The following DPF3 variants were observed in gnomAD, a reference collection of about 807,000 sequenced individuals.
The protein encoded by DPF3 is double PHD fingers 3, also known as zinc finger protein DPF3.
DPF3 carries 18 observed loss-of-function variants against 56.8 expected under a neutral mutation model. The ratio of observed to expected loss-of-function variants is 0.32; its 90% CI spans 0.22 to 0.47. DPF3 has a LOEUF of 0.47. DPF3 is among the 20% of genes least tolerant of loss of function. The pLI is 1.00. For synonymous variants in DPF3, 188 were observed against 180.2 expected (o/e 1.04, Z -0.35); for missense variants, 403 against 488.8 (o/e 0.82, Z 1.65).
At chr14:72,828,264 C>G (rs1454900730) in intron 1 of DPF3, among the ~76,000 whole-genome samples, 1 of 152,118 alleles carries the variant, frequency 6.6e-6, no homozygotes, top group Non-Finnish European at 1.5e-5. Context: ...AGCAGAAAAA[C>G]AGCAGATCCT....
chr14:72,657,755 A>G (rs534541375), intron 8 of DPF3, among the ~76,000 whole-genome samples: 1 of 152,344 alleles, frequency 6.6e-6, no homozygotes, highest in Admixed American at 6.5e-5. Flanking sequence ...TTATTGGAAC[A>G]CAGCCATGCC....
intron 1 of DPF3, among the ~76,000 whole-genome samples, chr14:72,776,711 C>T (rs1451731204): frequency 6.6e-6 from 1 of 152,168 alleles, no homozygotes; most frequent in Non-Finnish European, 1.5e-5. Flanking sequence ...TCCAGCCAGA[C>T]ACCTGGGCTC....
At chr14:72,677,732 T>C (rs952877789) in intron 7 of DPF3, among the ~76,000 whole-genome samples, 1 of 152,192 alleles carries the variant, frequency 6.6e-6, no homozygotes, top group African/African-American at 2.4e-5. Context: ...AGAGGAGAGC[T>C]GGTCCATGTG....
chr14:72,884,892 C>T (rs1168708741), intron 1 of DPF3, among the ~76,000 whole-genome samples: 5 of 135,106 alleles, frequency 3.7e-5, no homozygotes, highest in African/African-American at 1.1e-4. Context: ...GTCAGGAGAT[C>T]GAGACCGTCC....
At chr14:72,818,351 C>T (rs1049615018) in intron 1 of DPF3, among the ~76,000 whole-genome samples, 2 of 152,124 alleles carry the variant, frequency 1.3e-5, no homozygotes, top group South Asian at 2.1e-4. Flanking sequence ...GGAAAAATAA[C>T]CTGGACTTCA....
intron 7 of DPF3, among the ~76,000 whole-genome samples, chr14:72,689,053 G>A (rs777259965): frequency 2.0e-5 from 3 of 152,102 alleles, no homozygotes; most frequent in Non-Finnish European, 4.4e-5. Flanking sequence ...GGGGCCAGGC[G>A]ATCAGGAGTG....
At chr14:72,706,951 T>A (rs1388360933) in intron 6 of DPF3, among the ~76,000 whole-genome samples, 1 of 152,174 alleles carries the variant, frequency 6.6e-6, no homozygotes, top group East Asian at 1.9e-4. Context: ...GCATTAGGTA[T>A]ATCTCCTAAA....
At chr14:72,657,340 T>TA (rs1316188262) in intron 8 of DPF3, among the ~76,000 whole-genome samples, 1 of 152,182 alleles carries the variant, frequency 6.6e-6, no homozygotes, top group African/African-American at 2.4e-5. Flanking sequence ...TGAATAATAT[T>TA]AGTCATGATG....
At position 72,893,418 on chromosome 14, in the gene DPF3, G is replaced by C. The variant is rs546389209; in HGVS notation, c.32+639C>G. On this transcript the variant is annotated intron_variant, in intron 1 of 10. Coordinates refer to ENST00000556509, the MANE Select transcript of DPF3 (RefSeq NM_001280542.3). Reference sequence around the variant, plus strand: ...CCTCCGAGATCCGGGGGCTGCCGGGGAAAGCCCGGGGCGACCACCTGGGCC... The same window carrying C: ...CCTCCGAGATCCGGGGGCTGCCGGGCAAAGCCCGGGGCGACCACCTGGGCC... 3.1e-3 allele frequency among the ~76,000 whole-genome samples: 470 copies of C among 152,176 alleles called. 4 individuals are homozygous for C. Among genetic ancestry groups the C allele is most frequent in the African/African-American group, 0.011 (456 of 41,544 alleles).
intron 1 of DPF3, chr14:72,879,655 C>G: frequency 1.1e-6 from 1 of 939,180 alleles, no homozygotes; most frequent in East Asian, 2.7e-5. Flanking sequence ...AACCGCCTGC[C>G]CAGAGGAAAC....
chr14:72,723,791 G>C, intron 4 of DPF3, 63 bp from the exon 5 acceptor site: 2 of 1,462,766 alleles, frequency 1.4e-6, no homozygotes, highest in Non-Finnish European at 1.9e-6. Flanking sequence ...AACCATCAGA[G>C]AGTAATTTTA....
intron 6 of DPF3, among the ~76,000 whole-genome samples, chr14:72,693,635 G>A (rs1442629047): frequency 3.3e-5 from 5 of 152,158 alleles, no homozygotes; most frequent in Admixed American, 6.5e-5. Flanking sequence ...TTGTTATGAC[G>A]TTGAATTCAA....
intron 8 of DPF3, among the ~76,000 whole-genome samples, chr14:72,631,331 C>G (rs901345955): frequency 1.3e-5 from 2 of 152,162 alleles, no homozygotes; most frequent in South Asian, 2.1e-4. Context: ...GAAAAAGAAG[C>G]CTTACATTAA....
At chr14:72,717,678 A>C (rs34411021) in intron 5 of DPF3, among the ~76,000 whole-genome samples, 44,400 of 151,982 alleles carry the variant, frequency 0.29, 7,040 homozygotes, top group East Asian at 0.46. Context: ...TCCTACAATA[A>C]CCCTATGAGT....
intron 8 of DPF3, among the ~76,000 whole-genome samples, chr14:72,645,080 G>A (rs1202876369): frequency 6.6e-6 from 1 of 152,192 alleles, no homozygotes; most frequent in African/African-American, 2.4e-5. Flanking sequence ...CTATTAAGCT[G>A]AATAGGTTAA....
At chr14:72,844,109 C>T (rs1386874613) in intron 1 of DPF3, among the ~76,000 whole-genome samples, 1 of 152,166 alleles carries the variant, frequency 6.6e-6, no homozygotes, top group African/African-American at 2.4e-5. Flanking sequence ...GGGCACCATG[C>T]TGGACAAAAG....
chr14:72,742,973 G>A (rs148073828), intron 3 of DPF3, among the ~76,000 whole-genome samples: 1 of 152,138 alleles, frequency 6.6e-6, no homozygotes. Context: ...TTGTTGGCCA[G>A]CCTGTGGCCC....
intron 3 of DPF3, among the ~76,000 whole-genome samples, chr14:72,748,930 T>C (rs1462954000): frequency 1.3e-5 from 2 of 152,232 alleles, no homozygotes; most frequent in Non-Finnish European, 2.9e-5. Flanking sequence ...GGTGAGGTCC[T>C]CATGGAGAAC....
chr14:72,619,345 G>A lies in DPF3; in HGVS notation c.1089C>T (p.Cys363=). ...AGGCTTTCTCTTTGAGCAGTTCCCAGCATAAGTGGCAGCTCCAGCTTCCTG... is the reference window on the plus strand; with the variant it reads ...AGGCTTTCTCTTTGAGCAGTTCCCAACATAAGTGGCAGCTCCAGCTTCCTG... The part of the protein sequence containing the change: ...PPEGSWSCHL[C]WELLKEKASA... Residue 363 remains cysteine (C), a synonymous_variant, in exon 11 of 11, where the codon TGC becomes TGT. Coordinates refer to ENST00000556509, the MANE Select transcript of DPF3 (RefSeq NM_001280542.3). 1 of 1,536,148 alleles carries A rather than the reference G, an allele frequency of 6.5e-7. No individual in the cohort carries two copies. Among genetic ancestry groups the A allele is most frequent in the Non-Finnish European group, 8.7e-7 (1 of 1,146,904 alleles).
Sources: gnomAD v4.1 joint callset for allele counts (sites outside exome capture counted in the v4.1 genomes callset) on GRCh38, gnomAD v4.1.1 for gene constraint, MANE v1.5 for transcripts, NCBI Gene and HGNC (gene_info 2026-07-23, HGNC 2026-07-21) for gene names.